The following RAD18 variants were observed in gnomAD, a reference collection of about 807,000 sequenced individuals.
RAD18 encodes the protein E3 ubiquitin-protein ligase RAD18.
In RAD18, 47 loss-of-function variants were observed where a neutral mutation model predicts 60.4. The observed-to-expected ratio is 0.78, with a 90% CI of 0.62 to 0.99. RAD18 has a LOEUF of 0.99. RAD18 is among the 50% of genes least tolerant of loss of function. RAD18 has a pLI of 0.00. For synonymous variants in RAD18, 225 were observed against 195.5 expected (o/e 1.15, Z -1.26); for missense variants, 640 against 593.3 (o/e 1.08, Z -0.82).
At chr3:8,958,499 T>C (rs1277028196) in intron 2 of RAD18, among the ~76,000 whole-genome samples, 3 of 152,270 alleles carry the variant, frequency 2.0e-5, no homozygotes, top group Admixed American at 2.0e-4. Context: ...AAGTCAGTGG[T>C]AGAATTCTCC....
Position 8,904,379 on chromosome 3 carries a change from T to C in RAD18, c.1028-1859A>G, listed in dbSNP as rs182144533. ...ATAGTTGGATTCCTATACATGAATA[T>C]TGACAGGCACAGCAAAGACATTCAG... On this transcript the variant is annotated intron_variant, in intron 9 of 12. Transcript: ENST00000264926. Among the ~76,000 whole-genome samples the C allele has an allele frequency of 9.3e-4, 142 of 152,304 alleles. 2 individuals are homozygous for C. Among genetic ancestry groups the C allele is most frequent in the Non-Finnish European group, 7.4e-5 (5 of 68,004 alleles).
chr3:8,944,015 T>C (rs1485839147), intron 4 of RAD18, among the ~76,000 whole-genome samples: 3 of 152,096 alleles, frequency 2.0e-5, no homozygotes, highest in Non-Finnish European at 2.9e-5. Context: ...AGCCAAACAT[T>C]GGTTCTTTGA....
intron 7 of RAD18, among the ~76,000 whole-genome samples, chr3:8,927,811 C>T (rs1442194252): frequency 2.0e-5 from 3 of 151,056 alleles, no homozygotes; most frequent in Non-Finnish European, 4.4e-5. Flanking sequence ...GTCGCAAGGA[C>T]AGAAAGCCAA....
intron 11 of RAD18, 30 bp from the exon 12 acceptor site, chr3:8,890,481 G>A (rs1939664932): frequency 2.0e-6 from 3 of 1,473,776 alleles, no homozygotes; most frequent in South Asian, 2.3e-5. Context: ...AGTATTGACA[G>A]ACAACAAGAA....
At chr3:8,889,240 G>T (rs1939638773) in intron 12 of RAD18, among the ~76,000 whole-genome samples, 1 of 152,156 alleles carries the variant, frequency 6.6e-6, no homozygotes, top group Non-Finnish European at 1.5e-5. Flanking sequence ...GCTGACTTTT[G>T]ACAATTAGGT....
At position 8,877,352 on chromosome 3, in the gene RAD18, T is replaced by G. The variant is rs1173274923; in HGVS notation, c.*4005A>C. On this transcript the variant is annotated 3_prime_UTR_variant, in exon 13 of 13. Transcript: ENST00000264926. ...AGAGGGAACGAAGACTGTGTCCTCA[T>G]GTGGCGGAAGGGATGGAAGGAAACA... 6.6e-6 allele frequency: 1 copy of G among 152,346 alleles called. No individual in the cohort carries two copies. The highest frequency in any genetic ancestry group is 2.4e-5 in the African/African-American group (1 of 41,460). 9.4% of individuals were successfully genotyped at this position (152,346 alleles called of 1,614,324 possible). A position where few individuals can be genotyped will look rare whatever the true frequency, so the allele number is the denominator to read the frequency against.
intron 7 of RAD18, among the ~76,000 whole-genome samples, chr3:8,934,195 A>G (rs1940611776): frequency 6.6e-6 from 1 of 152,056 alleles, no homozygotes. Context: ...AAAGTTTTAA[A>G]AGAAAACAAG....
rs759624591 is a variant in RAD18 at position 8,963,408 on chromosome 3, G to T, written c.-23C>A. The T allele has an allele frequency of 8.9e-6, 14 of 1,573,840 alleles. No homozygotes were observed. The highest frequency in any genetic ancestry group is 1.2e-5 in the Non-Finnish European group (14 of 1,157,826). ...CATGGTCGCTCCCGAGGATGCTGGG[G>T]GTCAGCCACCCACTAGCCTCCGGCG... On this transcript the variant is annotated 5_prime_UTR_variant, in exon 1 of 13. Coordinates refer to ENST00000264926, the MANE Select transcript of RAD18 (RefSeq NM_020165.4).
chr3:8,922,009 A>C (rs1940329150), intron 7 of RAD18, among the ~76,000 whole-genome samples: 1 of 152,232 alleles, frequency 6.6e-6, no homozygotes. Flanking sequence ...TCTCAGCATG[A>C]GCGACGCAGA....
intron 8 of RAD18, 138 bp from the exon 9 acceptor site, chr3:8,912,510 G>A (rs1940121392): frequency 3.7e-6 from 2 of 543,168 alleles, no homozygotes; most frequent in Middle Eastern, 6.9e-4. Flanking sequence ...ATAGACCTAG[G>A]AAGAATCATT....
intron 11 of RAD18, among the ~76,000 whole-genome samples, chr3:8,892,937 T>G (rs1235368187): frequency 6.6e-6 from 1 of 152,178 alleles, no homozygotes; most frequent in Admixed American, 6.6e-5. Flanking sequence ...ACATATAAAA[T>G]CAGGATAATG....
chr3:8,943,630 G>T (rs188116060), intron 4 of RAD18, among the ~76,000 whole-genome samples: 2 of 152,036 alleles, frequency 1.3e-5, no homozygotes, highest in East Asian at 3.9e-4. Context: ...ACCAATGGCT[G>T]AGAATTTTCA....
chr3:8,912,682 T>C (rs1482233786), intron 8 of RAD18, among the ~76,000 whole-genome samples: 1 of 142,148 alleles, frequency 7.0e-6, no homozygotes, highest in Admixed American at 7.2e-5. Context: ...CAGGCAATAT[T>C]TGAAACCAGA....
intron 7 of RAD18, among the ~76,000 whole-genome samples, chr3:8,931,879 A>G (rs1940565526): frequency 6.6e-6 from 1 of 152,262 alleles, no homozygotes; most frequent in Admixed American, 6.5e-5. Flanking sequence ...CAATGAGGGC[A>G]AAGTAATTCA....
chr3:8,939,702 G>T (rs776261003), intron 5 of RAD18, 49 bp from the exon 6 acceptor site: 1 of 1,459,740 alleles, frequency 6.9e-7, no homozygotes, highest in Non-Finnish European at 9.5e-7. Flanking sequence ...TGTAGAAGGG[G>T]CAAAAGTATG....
Position 8,912,366 on chromosome 3 carries a change from C to T in RAD18, c.973G>A (p.Val325Ile). The change falls in exon 9 of 13, where the codon GTT becomes ATT. Residue 325 changes from valine (V) to isoleucine (I), a missense_variant. Physicochemically the swap from Val to Ile is conservative, Grantham distance 29. Transcript: ENST00000264926. ...EASKLNESVM[V>I]FTKDQTEKEI... is the part of the protein sequence containing the mutation. ...TTTTCTGTTTGGTCCTTTGTAAAAA[C>T]CATTACCTAAAATAATCAAAAAAAG... 6.4e-7 allele frequency: 1 copy of T among 1,556,120 alleles called. No homozygotes were observed. Among genetic ancestry groups the T allele is most frequent in the Non-Finnish European group, 8.7e-7 (1 of 1,151,362 alleles).
At chr3:8,892,202 T>TTTTTAA (rs1207767650) in intron 11 of RAD18, among the ~76,000 whole-genome samples, 2 of 152,200 alleles carry the variant, frequency 1.3e-5, no homozygotes, top group Non-Finnish European at 1.5e-5. Context: ...CTTTAAAGTC[T>TTTTTAA]AGAACGAGGA....
At chr3:8,894,471 A>C (rs1375357084) in intron 11 of RAD18, among the ~76,000 whole-genome samples, 1 of 151,962 alleles carries the variant, frequency 6.6e-6, no homozygotes, top group African/African-American at 2.4e-5. Flanking sequence ...ACAAACAAAC[A>C]AAAAAAGCTA....
chr3:8,944,507 G>A (rs984422927), intron 4 of RAD18, among the ~76,000 whole-genome samples: 8 of 151,306 alleles, frequency 5.3e-5, no homozygotes. Context: ...CTGCACTGCA[G>A]TCTGGGCAAC....
Sources: gnomAD v4.1 joint callset for allele counts (sites outside exome capture counted in the v4.1 genomes callset) on GRCh38, gnomAD v4.1.1 for gene constraint, MANE v1.5 for transcripts, NCBI Gene and HGNC (gene_info 2026-07-23, HGNC 2026-07-21) for gene names.